The following SPAG9 variants were observed in gnomAD, a reference collection of about 807,000 sequenced individuals.
The protein encoded by SPAG9 is C-Jun-amino-terminal kinase-interacting protein 4.
Under a neutral mutation model 166.5 loss-of-function variants are expected in SPAG9, and 35 were observed. The observed-to-expected ratio is 0.21, with a 90% CI of 0.16 to 0.28. SPAG9 has a LOEUF of 0.28. Ranked by LOEUF, SPAG9 falls within the 10% of genes least tolerant of loss-of-function variation. The pLI, the probability that SPAG9 is intolerant of heterozygous loss-of-function variation, is 1.00. For missense variants in SPAG9, 1,235 were observed against 1,603.3 expected, an observed-to-expected ratio of 0.77 and a Z score of 3.92; for synonymous variants, 534 against 565.5, an observed-to-expected ratio of 0.94 and a Z score of 0.79.
rs529350079 is a variant in SPAG9, at chr17:51,120,206, G to T, written c.303+148C>A. 1.3e-5 allele frequency: 8 copies of T among 614,994 alleles called. No homozygotes were observed. The highest frequency in any genetic ancestry group is 2.0e-5 in the Non-Finnish European group (8 of 399,920). 38.1% of individuals were successfully genotyped at this position (614,994 alleles called of 1,614,324 possible). On this transcript the variant is annotated intron_variant, in intron 1 of 29. Coordinates refer to ENST00000262013, the MANE Select transcript of SPAG9 (RefSeq NM_001130528.3). This position sits in a 1 kb window ranked among gnomAD's most constrained non-coding sequence, Gnocchi z 4.7. Reference sequence around the variant, plus strand: ...CGGCCTGGCTCCCGGGGTACCTGGAGGCCGCCGGGATCGGTCCCAGGGGGC... The same window carrying T: ...CGGCCTGGCTCCCGGGGTACCTGGATGCCGCCGGGATCGGTCCCAGGGGGC...
intron 1 of SPAG9, among the ~76,000 whole-genome samples, chr17:51,091,245 C>T (rs1412133027): frequency 6.7e-6 from 1 of 149,590 alleles, no homozygotes; most frequent in Non-Finnish European, 1.5e-5. Flanking sequence ...TGCACTCCAG[C>T]CTGAGCGACG....
intron 1 of SPAG9, among the ~76,000 whole-genome samples, chr17:51,105,585 G>C (rs1477548162): frequency 1.3e-5 from 2 of 152,036 alleles, no homozygotes; most frequent in African/African-American, 4.8e-5. Context: ...AACACTTAAA[G>C]CTTGGCCGGG....
intron 1 of SPAG9, among the ~76,000 whole-genome samples, chr17:51,118,787 C>T (rs1177855164): frequency 6.6e-6 from 1 of 152,144 alleles, no homozygotes; most frequent in Non-Finnish European, 1.5e-5. Flanking sequence ...TGCCTGTAAT[C>T]CCAGCACTGG....
rs566966359 is a variant in SPAG9 at position 50,984,547 on chromosome 17, C to T, written c.3088+376G>A. ...TGAAAATACAAAAAAATTAGCTGGTCGTGGTGGCAGGCGCCTGTAGTCCAG... is the reference window on the plus strand; with the variant it reads ...TGAAAATACAAAAAAATTAGCTGGTTGTGGTGGCAGGCGCCTGTAGTCCAG... On this transcript the variant is annotated intron_variant, in intron 24 of 29. Transcript: ENST00000262013. Among the ~76,000 whole-genome samples, 9 of 152,162 alleles carry T rather than the reference C, an allele frequency of 5.9e-5. No homozygotes were observed. In the East Asian group the frequency reaches 1.5e-3, roughly 26 times the overall value.
intron 13 of SPAG9, among the ~76,000 whole-genome samples, 194 bp from the exon 14 acceptor site, chr17:50,999,911 A>G (rs2044856118): frequency 6.6e-6 from 1 of 152,204 alleles, no homozygotes; most frequent in South Asian, 2.1e-4. Context: ...TTCTACTAAG[A>G]AAAATAAAAT....
At chr17:51,105,713 C>CA (rs1327910380) in intron 1 of SPAG9, among the ~76,000 whole-genome samples, 27 of 151,614 alleles carry the variant, frequency 1.8e-4, no homozygotes, top group African/African-American at 4.1e-4. Flanking sequence ...ACTAAAAATA[C>CA]AAAAAAATTA....
chr17:51,077,797 C>T (rs779522129), intron 2 of SPAG9, among the ~76,000 whole-genome samples: 6 of 151,874 alleles, frequency 4.0e-5, no homozygotes, highest in Non-Finnish European at 5.9e-5. Flanking sequence ...ACTACGGGTG[C>T]GCACCATCAT....
intron 22 of SPAG9, among the ~76,000 whole-genome samples, chr17:50,986,441 T>C (rs1268066895): frequency 6.6e-6 from 1 of 152,224 alleles, no homozygotes; most frequent in Non-Finnish European, 1.5e-5. Flanking sequence ...GATTTTAGAA[T>C]GTTTACATCA....
rs560941261 is a variant in SPAG9 at position 51,048,457 on chromosome 17, T to A, written c.496-988A>T. ...ATATTACTTGAATTCTTTTTTTTTT[T>A]AATGTCCCTTCTCACCATTCCTAAG... is the stretch of plus-strand genomic sequence containing the variant. On this transcript the variant is annotated intron_variant, in intron 3 of 29. Transcript: ENST00000262013. Among the ~76,000 whole-genome samples the A allele has an allele frequency of 3.3e-5, 5 of 152,098 alleles. No homozygotes were observed. In the South Asian group the frequency reaches 1.0e-3, roughly 32 times the overall value.
chr17:51,032,066 T>C (rs545379676), intron 5 of SPAG9, among the ~76,000 whole-genome samples: 1 of 152,340 alleles, frequency 6.6e-6, no homozygotes, highest in African/African-American at 2.4e-5. Context: ...AATAATCCAG[T>C]GCAGCATACT....
At chr17:51,080,347 C>T (rs1359557788) in intron 1 of SPAG9, among the ~76,000 whole-genome samples, 4 of 148,558 alleles carry the variant, frequency 2.7e-5, no homozygotes. Flanking sequence ...GTTTGCTGCT[C>T]GTTCTTGGTC....
chr17:50,966,462 C>T (rs1019525188), intron 29 of SPAG9, 75 bp from the exon 30 acceptor site: 8 of 943,462 alleles, frequency 8.5e-6, no homozygotes, highest in East Asian at 2.4e-5. Context: ...ATGTAATGCT[C>T]GTGGTTAGTC....
Position 50,996,221 on chromosome 17 carries a change from G to A in SPAG9, c.1968+344C>T, listed in dbSNP as rs111788573. The A allele has an allele frequency of 5.5e-3, 1,147 of 208,198 alleles. 5 individuals carry two copies. The highest frequency in any genetic ancestry group is 8.3e-3 in the Non-Finnish European group (858 of 103,698). The allele number at this position is 208,198 out of a possible 1,614,324, so 12.9% of individuals were successfully genotyped here. A position where few individuals can be genotyped will look rare whatever the true frequency, so the allele number is the denominator to read the frequency against. ...AAATGAACAGTTTGAAAAGTTCCAT[G>A]CCAATAATTTTTTCAACAATGATGC... On this transcript the variant is annotated intron_variant, in intron 16 of 29. Transcript: ENST00000262013.
intron 1 of SPAG9, among the ~76,000 whole-genome samples, chr17:51,082,220 C>T (rs1300478246): frequency 6.6e-6 from 1 of 151,198 alleles, no homozygotes; most frequent in African/African-American, 2.4e-5. Flanking sequence ...CTACTAAATA[C>T]AAAAATTAGC....
At position 51,114,239 on chromosome 17, in the gene SPAG9, A is replaced by C. The variant is rs1243541029; in HGVS notation, c.303+6115T>G. Among the ~76,000 whole-genome samples the C allele has an allele frequency of 2.0e-5, 3 of 152,022 alleles. No homozygotes were observed. In the East Asian group the frequency reaches 5.8e-4, roughly 29 times the overall value. On this transcript the variant is annotated intron_variant, in intron 1 of 29. Transcript: ENST00000262013. ...CTACTAGGGAGGCTGAGGCAGGAGA[A>C]TTGCTTGAACCTGGAAGGTGGGAGT...
chr17:50,983,823 T>A lies in SPAG9; in HGVS notation c.3088+1100A>T, dbSNP rs1287506318. 2.0e-5 allele frequency among the ~76,000 whole-genome samples: 3 copies of A among 152,204 alleles called. No homozygotes were observed. The East Asian group carries it at 5.8e-4, about 29-fold the overall frequency. On this transcript the variant is annotated intron_variant, in intron 24 of 29. Transcript: ENST00000262013. ...CCATGGAACTTTCTTAATAATTTACTGTAAAGATTAAACATAGATAAAGGG... is the reference window on the plus strand; with the variant it reads ...CCATGGAACTTTCTTAATAATTTACAGTAAAGATTAAACATAGATAAAGGG...
chr17:51,004,469 G>A (rs2045107820), intron 12 of SPAG9, among the ~76,000 whole-genome samples: 1 of 152,166 alleles, frequency 6.6e-6, no homozygotes, highest in African/African-American at 2.4e-5. Flanking sequence ...TGGGCTGGGT[G>A]GCTCACATCT....
At chr17:51,110,512 G>A (rs1568097675) in intron 1 of SPAG9, among the ~76,000 whole-genome samples, 1 of 151,496 alleles carries the variant, frequency 6.6e-6, no homozygotes, top group Non-Finnish European at 1.5e-5. Flanking sequence ...GCAACATGGT[G>A]AAACCCGTCT....
At chr17:51,059,398 T>C (rs760840107) in intron 2 of SPAG9, among the ~76,000 whole-genome samples, 7 of 151,968 alleles carry the variant, frequency 4.6e-5, no homozygotes, top group African/African-American at 7.3e-5. Context: ...TTCAGAACCA[T>C]AACAAACAAG....
Sources: allele counts gnomAD v4.1 joint callset (sites outside exome capture counted in the v4.1 genomes callset), GRCh38; gene constraint gnomAD v4.1.1; non-coding constraint Gnocchi (gnomAD v3.1); transcripts MANE v1.5; gene names NCBI Gene and HGNC (gene_info 2026-07-23, HGNC 2026-07-21).